TRIM2: variants seen among roughly 807,000 people sequenced by gnomAD.
The protein encoded by TRIM2 is tripartite motif-containing protein 2.
Under a neutral mutation model 75.2 loss-of-function variants are expected in TRIM2, and 20 were observed. The observed-to-expected ratio is 0.27, with a 90% CI of 0.19 to 0.39. The LOEUF is 0.39. TRIM2 is among the 10% of genes least tolerant of loss of function. The pLI is 1.00. For missense variants in TRIM2, 660 were observed against 990.8 expected, an observed-to-expected ratio of 0.67 and a Z score of 4.48; for synonymous variants, 373 against 388.3, an observed-to-expected ratio of 0.96 and a Z score of 0.46.
At chr4:153,239,786 C>G (rs143843729) in intron 1 of TRIM2, among the ~76,000 whole-genome samples, 1 of 151,190 alleles carries the variant, frequency 6.6e-6, no homozygotes, top group Non-Finnish European at 1.5e-5. Context: ...ACAACATTTT[C>G]GAGCAATATG....
rs1055110506 is a variant in TRIM2 at position 153,336,885 on chromosome 4, G to A, written c.*1919G>A. On this transcript the variant is annotated 3_prime_UTR_variant, in exon 12 of 12. Transcript: ENST00000338700. ...AATACTTGAGCCTGTCCGTGATAAA[G>A]CTATAAAATTCAATAACTTTTTAGA... is the stretch of plus-strand genomic sequence containing the variant. 2 of 984,896 alleles carry A rather than the reference G, an allele frequency of 2.0e-6. No individual in the cohort carries two copies. The highest frequency in any genetic ancestry group is 1.2e-4 in the Admixed American group (2 of 16,246). 61.0% of individuals were successfully genotyped at this position (984,896 alleles called of 1,614,324 possible).
intron 6 of TRIM2, among the ~76,000 whole-genome samples, chr4:153,314,204 A>G (rs191857103): frequency 6.9e-6 from 1 of 144,864 alleles, no homozygotes; most frequent in Admixed American, 6.7e-5. Flanking sequence ...GCGGATCACG[A>G]GGTCAGGAGA....
intron 1 of TRIM2, among the ~76,000 whole-genome samples, chr4:153,176,990 G>C (rs529451058): frequency 6.6e-6 from 1 of 152,200 alleles, no homozygotes; most frequent in Non-Finnish European, 1.5e-5. Context: ...TCAAGAGTGA[G>C]GTTTACTTCT....
chr4:153,263,537 A>G (rs1173233047), intron 1 of TRIM2, among the ~76,000 whole-genome samples: 1 of 152,230 alleles, frequency 6.6e-6, no homozygotes, highest in African/African-American at 2.4e-5. Flanking sequence ...GTACCAGGAC[A>G]CTTCTAGGTG....
chr4:153,165,632 A>C (rs1730222129), intron 1 of TRIM2, among the ~76,000 whole-genome samples: 1 of 152,072 alleles, frequency 6.6e-6, no homozygotes, highest in Non-Finnish European at 1.5e-5. Context: ...GACGCTTCTT[A>C]GTTTGGCTAG....
intron 1 of TRIM2, among the ~76,000 whole-genome samples, chr4:153,243,807 CTTTT>C (rs34997724): frequency 3.4e-5 from 4 of 117,478 alleles, no homozygotes; most frequent in African/African-American, 7.3e-5. Context: ...CCTCCCCCTC[CTTTT>C]TTTTTTTCCC....
intron 10 of TRIM2, among the ~76,000 whole-genome samples, chr4:153,326,979 CAAAAAA>C (rs10718802): frequency 1.0e-5 from 1 of 98,978 alleles, no homozygotes; most frequent in Non-Finnish European, 2.0e-5. Context: ...GACTCCATCT[CAAAAAA>C]AAAAAAAAAA....
chr4:153,167,420 T>A (rs569935243), intron 1 of TRIM2, among the ~76,000 whole-genome samples: 1 of 152,256 alleles, frequency 6.6e-6, no homozygotes, highest in South Asian at 2.1e-4. Flanking sequence ...AAACATACCA[T>A]GATTTGAGGA....
chr4:153,324,265 G>GAACAAAGTCT, intron 10 of TRIM2, 117 bp downstream of exon 10: 1 of 790,046 alleles, frequency 1.3e-6, no homozygotes, highest in Non-Finnish European at 1.9e-6. Flanking sequence ...CAGCAGAGTA[G>GAACAAAGTCT]ACTTTGTTCT....
intron 2 of TRIM2, among the ~76,000 whole-genome samples, chr4:153,271,746 T>C (rs564483006): frequency 6.6e-6 from 1 of 152,254 alleles, no homozygotes; most frequent in Non-Finnish European, 1.5e-5. Flanking sequence ...ACCTAAAACA[T>C]GAATACCAGC....
At chr4:153,323,115 T>C (rs1356433406) in intron 9 of TRIM2, among the ~76,000 whole-genome samples, 1 of 152,272 alleles carries the variant, frequency 6.6e-6, no homozygotes, top group East Asian at 1.9e-4. Context: ...AAAATAAAAA[T>C]ATTTGAAAAA....
At chr4:153,178,537 G>A (rs1731711593) in intron 1 of TRIM2, among the ~76,000 whole-genome samples, 1 of 152,150 alleles carries the variant, frequency 6.6e-6, no homozygotes, top group Non-Finnish European at 1.5e-5. Context: ...TTGAGAGAGG[G>A]TAAAAATGCC....
chr4:153,252,592 A>G (rs556110840), intron 1 of TRIM2, among the ~76,000 whole-genome samples: 126 of 152,228 alleles, frequency 8.3e-4, no homozygotes, highest in African/African-American at 2.9e-3. Context: ...GCTCACTGCA[A>G]CCTCTGCTGC....
At chr4:153,308,534 T>C in intron 6 of TRIM2, 1 of 729,780 alleles carries the variant, frequency 1.4e-6, no homozygotes, top group Non-Finnish European at 2.5e-6. Flanking sequence ...TTGGTCCTTC[T>C]CTGGTAGGTG....
In TRIM2 at chr4:153,315,848, G is replaced by A; in HGVS notation, c.1631G>A (p.Gly544Asp). Reference sequence around the variant, plus strand: ...ATCTTACAGATATTTTCCAATGATGGCCAGTTCAAAAGTCGTTTTGGCATA... The same window carrying A: ...ATCTTACAGATATTTTCCAATGATGACCAGTTCAAAAGTCGTTTTGGCATA... Reference protein sequence around the residue: ...NQCVQIFSNDGQFKSRFGIRG... With the variant: ...NQCVQIFSNDDQFKSRFGIRG... Residue 544 changes from glycine to aspartate, a missense_variant, in exon 8 of 12, where the codon GGC becomes GAC. By Grantham distance (94) the Gly-to-Asp change is moderately conservative. Transcript: ENST00000338700. 1 of 1,614,086 alleles carries A rather than the reference G, an allele frequency of 6.2e-7. No individual in the cohort carries two copies. The highest frequency in any genetic ancestry group is 8.5e-7 in the Non-Finnish European group (1 of 1,180,022).
At position 153,338,914 on chromosome 4, in the gene TRIM2, A is replaced by G. The variant is rs528801296; in HGVS notation, c.*3948A>G. The G allele has an allele frequency of 1.7e-4, 166 of 983,702 alleles. No homozygotes were observed. The Middle Eastern group carries it at 2.6e-3, about 16-fold the overall frequency. The allele number at this position is 983,702 out of a possible 1,614,324, so 60.9% of individuals were successfully genotyped here. A position where few individuals can be genotyped will look rare whatever the true frequency, so the allele number is the denominator to read the frequency against. ...AATAGAATTCTTTATATCGTTCTCA[A>G]TTCTATAGACTTTCAAGCCTATGTA... On this transcript the variant is annotated 3_prime_UTR_variant, in exon 12 of 12. Transcript: ENST00000338700.
At chr4:153,198,267 A>T (rs1006265042) in intron 1 of TRIM2, among the ~76,000 whole-genome samples, 2 of 152,194 alleles carry the variant, frequency 1.3e-5, no homozygotes, top group Admixed American at 1.3e-4. Context: ...CTTGAATTGT[A>T]TCTCCCAGAA....
intron 1 of TRIM2, among the ~76,000 whole-genome samples, chr4:153,253,520 A>C (rs565917686): frequency 6.6e-6 from 1 of 152,288 alleles, no homozygotes; most frequent in African/African-American, 2.4e-5. Flanking sequence ...GAACTGTCAG[A>C]GGTGTTTGAA....
chr4:153,231,693 GC>G (rs1743670014), intron 1 of TRIM2, among the ~76,000 whole-genome samples: 1 of 152,184 alleles, frequency 6.6e-6, no homozygotes, highest in Admixed American at 6.5e-5. Context: ...TCTGCTCCAT[GC>G]CTCTGTCCTA....
Sources: allele counts gnomAD v4.1 joint callset (sites outside exome capture counted in the v4.1 genomes callset), GRCh38; gene constraint gnomAD v4.1.1; transcripts MANE v1.5; gene names NCBI Gene and HGNC (gene_info 2026-07-23, HGNC 2026-07-21).